DUSP1: variants seen among roughly 807,000 people sequenced by gnomAD.
DUSP1 encodes dual specificity protein phosphatase 1.
DUSP1 carries 10 observed loss-of-function variants against 27.4 expected under a neutral mutation model. The ratio of observed to expected loss-of-function variants is 0.37; its 90% CI spans 0.23 to 0.62. DUSP1 has a LOEUF of 0.62. Ranked by LOEUF, DUSP1 falls within the 20% of genes least tolerant of loss-of-function variation. The pLI is 0.68. For synonymous variants in DUSP1, 262 were observed against 223.6 expected, an observed-to-expected ratio of 1.17 and a Z score of -1.53; for missense variants, 425 against 508.1, an observed-to-expected ratio of 0.84 and a Z score of 1.57.
intron 1 of DUSP1, 70 bp downstream of exon 1, chr5:172,770,516 C>G: frequency 6.8e-7 from 1 of 1,463,514 alleles, no homozygotes; most frequent in Non-Finnish European, 8.9e-7. Flanking sequence ...CCCCCGGGAG[C>G]CGAGAGCCAG....
In DUSP1 at chr5:172,770,842, G is replaced by A. The variant is rs1261427165; in HGVS notation, c.111C>T (p.Ala37=). 9 of 1,528,870 alleles carry A rather than the reference G, an allele frequency of 5.9e-6. No homozygotes were observed. Among genetic ancestry groups the A allele is most frequent in the African/African-American group, 4.2e-5 (3 of 72,006 alleles). The allele number at this position is 1,528,870 out of a possible 1,614,324, so 94.7% of individuals were successfully genotyped here. ...CGTTGACAGAGCCGGCGATGTGGCC[G>A]GCGTTGAAAGCGAAGAAGGAGCGGC... is the stretch of plus-strand genomic sequence containing the variant. ...LDCRSFFAFN[A]GHIAGSVNVR... Residue 37 remains alanine, a synonymous_variant, in exon 1 of 4, where the codon GCC becomes GCT. Coordinates refer to ENST00000239223, the MANE Select transcript of DUSP1 (RefSeq NM_004417.4).
intron 1 of DUSP1, 112 bp from the exon 2 acceptor site, chr5:172,770,418 A>C (rs1473135427): frequency 9.0e-6 from 14 of 1,558,416 alleles, no homozygotes; most frequent in Non-Finnish European, 1.2e-5. Context: ...AGGCCCAGGC[A>C]AGTCTTTGTT....
At position 172,770,857 on chromosome 5, in the gene DUSP1, G is replaced by A. The variant is rs1029864776; in HGVS notation, c.96C>T (p.Phe32=). 5.2e-6 allele frequency: 8 copies of A among 1,530,154 alleles called. No homozygotes were observed. In the Admixed American group the frequency reaches 6.0e-5, roughly 12 times the overall value. 94.8% of individuals were successfully genotyped at this position (1,530,154 alleles called of 1,614,324 possible). A position where few individuals can be genotyped will look rare whatever the true frequency, so the allele number is the denominator to read the frequency against. ...CGATGTGGCCGGCGTTGAAAGCGAA[G>A]AAGGAGCGGCAGTCCAGCAGCAGGC... is the stretch of plus-strand genomic sequence containing the variant. ...AQCLLLDCRS[F]FAFNAGHIAG... Residue 32 remains phenylalanine (F), a synonymous_variant, in exon 1 of 4, where the codon TTC becomes TTT. Coordinates refer to ENST00000239223, the MANE Select transcript of DUSP1 (RefSeq NM_004417.4).
In DUSP1 at chr5:172,769,116, A is replaced by T; in HGVS notation, c.750T>A (p.Ala250=). 3.1e-6 allele frequency: 5 copies of T among 1,608,888 alleles called. No homozygotes were observed. The highest frequency in any genetic ancestry group is 3.4e-6 in the Non-Finnish European group (4 of 1,179,138). Residue 250 remains alanine (A), a synonymous_variant, in exon 4 of 4, where the codon GCT becomes GCA. Transcript: ENST00000239223. ...AIDFIDSIKN[A]GGRVFVHCQA... is the part of the protein sequence containing the mutation. ...GGCAGTGGACAAACACCCTTCCTCCAGCATTCTTGATGGAGTCTGGAAAAC... is the reference window on the plus strand; with the variant it reads ...GGCAGTGGACAAACACCCTTCCTCCTGCATTCTTGATGGAGTCTGGAAAAC...
Position 172,770,780 on chromosome 5 carries a change from C to T in DUSP1, c.173G>A (p.Gly58Asp). 1 of 1,501,744 alleles carries T rather than the reference C, an allele frequency of 6.7e-7. No homozygotes were observed. The highest frequency in any genetic ancestry group is 8.8e-7 in the Non-Finnish European group (1 of 1,131,006). The allele number at this position is 1,501,744 out of a possible 1,614,324, so 93.0% of individuals were successfully genotyped here. A position where few individuals can be genotyped will look rare whatever the true frequency, so the allele number is the denominator to read the frequency against. ...CACGATGTGCTCCAGGCCCATGGCG[C>T]CCTTGGCCCGGCGCCGCACGATGGT... ...FSTIVRRRAKGAMGLEHIVPN... is the reference protein window; with the variant it reads ...FSTIVRRRAKDAMGLEHIVPN... The change falls in exon 1 of 4, where the codon GGC (glycine) becomes GAC (aspartate). Residue 58 changes from glycine (G) to aspartate (D), a missense_variant. Gly to Asp is a moderately conservative substitution (Grantham distance 94). Around this residue, in one of 3 missense-constraint regions of DUSP1, gnomAD observed 282 missense variants for 319.3 expected, o/e 0.88. Coordinates refer to ENST00000239223, the MANE Select transcript of DUSP1 (RefSeq NM_004417.4).
intron 2 of DUSP1, 145 bp downstream of exon 2, chr5:172,770,016 C>T (rs1482439603): frequency 7.5e-7 from 1 of 1,337,826 alleles, no homozygotes; most frequent in African/African-American, 1.5e-5. Flanking sequence ...CTCCGTCAGA[C>T]CACTTAACTG....
At chr5:172,770,513 G>T in intron 1 of DUSP1, 73 bp downstream of exon 1, 1 of 1,464,384 alleles carries the variant, frequency 6.8e-7, no homozygotes, top group East Asian at 2.6e-5. Context: ...GATCCCCCGG[G>T]AGCCGAGAGC....
chr5:172,770,313 A>G lies in DUSP1; in HGVS notation c.368-7T>C, dbSNP rs754782436. The G allele has an allele frequency of 2.5e-6, 4 of 1,610,454 alleles. No homozygotes were observed. The Admixed American group carries it at 5.1e-5, about 20-fold the overall frequency. Reference sequence around the variant, plus strand: ...GAAAACGCTTCGTATCCTCCTGGGAATACAAAGACATTTTTTTTCCCCATT... The same window carrying G: ...GAAAACGCTTCGTATCCTCCTGGGAGTACAAAGACATTTTTTTTCCCCATT... On this transcript the variant is annotated splice_polypyrimidine_tract_variant and splice_region_variant and intron_variant, in intron 1 of 3. Coordinates refer to ENST00000239223, the MANE Select transcript of DUSP1 (RefSeq NM_004417.4).
Position 172,770,207 on chromosome 5 carries a change from C to CTGT in DUSP1, c.464_466dup (p.Asp155_Ser156insAsn), listed in dbSNP as rs746381670. The CTGT allele has an allele frequency of 2.1e-5, 34 of 1,600,290 alleles. No homozygotes were observed. In the East Asian group the frequency reaches 3.1e-4, roughly 15 times the overall value. The stretch of plus-strand genomic sequence containing the variant: ...GCAGGAACTGCACCCAGATTCCGCG[C>CTGT]TGTCAGGGACGCTAGTACTCAGGGG... On this transcript the variant is annotated inframe_insertion, in exon 2 of 4. Coordinates refer to ENST00000239223, the MANE Select transcript of DUSP1 (RefSeq NM_004417.4).
chr5:172,769,133 C>T lies in DUSP1; in HGVS notation c.734-1G>A. 6.2e-7 allele frequency: 1 copy of T among 1,602,626 alleles called. No homozygotes were observed. The highest frequency in any genetic ancestry group is 8.5e-7 in the Non-Finnish European group (1 of 1,177,032). On this transcript the variant is annotated splice_acceptor_variant, in intron 3 of 3. Coordinates refer to ENST00000239223, the MANE Select transcript of DUSP1 (RefSeq NM_004417.4). LOFTEE classifies it high-confidence loss of function. ...CTTCCTCCAGCATTCTTGATGGAGT[C>T]TGGAAAACCAAAGGAGCGGCTGGTT...
Position 172,768,753 on chromosome 5 carries a change from C to T in DUSP1, c.*9G>A, listed in dbSNP as rs372590612. On this transcript the variant is annotated 3_prime_UTR_variant, in exon 4 of 4. Coordinates refer to ENST00000239223, the MANE Select transcript of DUSP1 (RefSeq NM_004417.4). ...ATGGGATGTGAAGAGCCTCACCTCC[C>T]GTGGCCTTTCAGCAGCTGGGAGAGG... The T allele has an allele frequency of 3.5e-5, 53 of 1,508,294 alleles. No individual in the cohort carries two copies. In the Admixed American group the frequency reaches 8.1e-4, roughly 23 times the overall value. 93.4% of individuals were successfully genotyped at this position (1,508,294 alleles called of 1,614,324 possible). A position where few individuals can be genotyped will look rare whatever the true frequency, so the allele number is the denominator to read the frequency against.
At chr5:172,770,029 G>A in intron 2 of DUSP1, 132 bp downstream of exon 2, 2 of 1,372,778 alleles carry the variant, frequency 1.5e-6, no homozygotes, top group Non-Finnish European at 1.9e-6. Context: ...CTTAACTGTG[G>A]AATAAATCAT....
rs893987874 is a variant in DUSP1 at position 172,768,841 on chromosome 5, G to A, written c.1025C>T (p.Pro342Leu). The change falls in exon 4 of 4, where the codon CCC becomes CTC. Residue 342 changes from proline to leucine, a missense_variant. By Grantham distance (98) the Pro-to-Leu change is moderately conservative (BLOSUM62 -3). Coordinates refer to ENST00000239223, the MANE Select transcript of DUSP1 (RefSeq NM_004417.4). ...GTSTTTVFNFPVSIPVHSTNS... is the reference protein window; with the variant it reads ...GTSTTTVFNFLVSIPVHSTNS... ...CGTGGAGTGGACAGGGATGGAGACG[G>A]GGAAGTTGAACACGGTGGTGGTGGA... 4.4e-6 allele frequency: 7 copies of A among 1,599,164 alleles called. No individual in the cohort carries two copies. Among genetic ancestry groups the A allele is most frequent in the Admixed American group, 1.7e-5 (1 of 58,990 alleles).
chr5:172,768,759 C>A lies in DUSP1; in HGVS notation c.*3G>T. On this transcript the variant is annotated 3_prime_UTR_variant, in exon 4 of 4. Transcript: ENST00000239223. ...TGTGAAGAGCCTCACCTCCCGTGGC[C>A]TTTCAGCAGCTGGGAGAGGTCGTAA... The A allele has an allele frequency of 6.6e-7, 1 of 1,509,620 alleles. No individual in the cohort carries two copies. The highest frequency in any genetic ancestry group is 1.3e-5 in the South Asian group (1 of 74,682). 93.5% of individuals were successfully genotyped at this position (1,509,620 alleles called of 1,614,324 possible). A position where few individuals can be genotyped will look rare whatever the true frequency, so the allele number is the denominator to read the frequency against.
rs149884278 is a variant in DUSP1, at chr5:172,770,221, A to G, written c.453T>C (p.Thr151=). ...TPMGLSLPLS[T]SVPDSAESGC... ...CAGATTCCGCGCTGTCAGGGACGCT[A>G]GTACTCAGGGGAAGGCTGAGCCCCA... Residue 151 remains threonine (T), a synonymous_variant, in exon 2 of 4, where the codon ACT becomes ACC. Coordinates refer to ENST00000239223, the MANE Select transcript of DUSP1 (RefSeq NM_004417.4). The G allele has an allele frequency of 1.4e-5, 23 of 1,608,532 alleles. No homozygotes were observed. The highest frequency in any genetic ancestry group is 1.7e-4 in the Middle Eastern group (1 of 6,046).
chr5:172,768,962 T>G lies in DUSP1; in HGVS notation c.904A>C (p.Met302Leu), dbSNP rs369007899. The G allele has an allele frequency of 1.9e-6, 3 of 1,614,198 alleles. No individual in the cohort carries two copies. The highest frequency in any genetic ancestry group is 2.5e-6 in the Non-Finnish European group (3 of 1,180,020). Residue 302 changes from methionine to leucine, a missense_variant, in exon 4 of 4, where the codon ATG becomes CTG. Physicochemically the swap from Met to Leu is conservative, Grantham distance 15. Around this residue, in one of 3 missense-constraint regions of DUSP1, gnomAD observed 59 missense variants for 108.4 expected, o/e 0.54. Coordinates refer to ENST00000239223, the MANE Select transcript of DUSP1 (RefSeq NM_004417.4). ...GACTCAAACTGCAGCAGCTGGCCCA[T>G]GAAGCTGAAGTTGGGAGAGATGATG... ...RSIISPNFSF[M>L]GQLLQFESQV...
At chr5:172,769,479 G>A (rs778480929) in intron 3 of DUSP1, 96 bp downstream of exon 3, 2 of 1,324,104 alleles carry the variant, frequency 1.5e-6, no homozygotes, top group Non-Finnish European at 2.1e-6. Flanking sequence ...GTGGAAGAAG[G>A]CTCAGAAAAC....
intron 3 of DUSP1, 99 bp downstream of exon 3, chr5:172,769,476 A>G (rs1033878149): frequency 1.4e-5 from 18 of 1,285,504 alleles, no homozygotes; most frequent in African/African-American, 4.4e-5. Flanking sequence ...TGTGTGGAAG[A>G]AGGCTCAGAA....
chr5:172,768,830 G>A lies in DUSP1; in HGVS notation c.1036C>T (p.Pro346Ser). 1 of 1,590,272 alleles carries A rather than the reference G, an allele frequency of 6.3e-7. No individual in the cohort carries two copies. Among genetic ancestry groups the A allele is most frequent in the South Asian group, 1.2e-5 (1 of 86,374 alleles). Reference protein sequence around the residue: ...TTVFNFPVSIPVHSTNSALSY... With the variant: ...TTVFNFPVSISVHSTNSALSY... ...AGCGCACTGTTCGTGGAGTGGACAG[G>A]GATGGAGACGGGGAAGTTGAACACG... The change falls in exon 4 of 4, where the codon CCT becomes TCT. Residue 346 changes from proline (P) to serine (S), a missense_variant. Coordinates refer to ENST00000239223, the MANE Select transcript of DUSP1 (RefSeq NM_004417.4).
Sources: allele counts gnomAD v4.1 joint callset, GRCh38; gene constraint gnomAD v4.1.1; regional missense constraint gnomAD v4.1.1; transcripts MANE v1.5; gene names NCBI Gene and HGNC (gene_info 2026-07-23, HGNC 2026-07-21).